TNC: variants seen among roughly 807,000 people sequenced by gnomAD.
The protein encoded by TNC is tenascin C, also known as tenascin.
In TNC, 109 loss-of-function variants were observed where a neutral mutation model predicts 202.4. That is an observed-to-expected ratio of 0.54 (90% CI 0.46 to 0.63). TNC has a LOEUF of 0.63. Among genes scored for constraint, TNC ranks in the 30% least tolerant of loss-of-function variants. The pLI, the probability that TNC is intolerant of heterozygous loss-of-function variation, is 0.00. For missense variants in TNC, 2,756 were observed against 2,833.3 expected, an observed-to-expected ratio of 0.97 and a Z score of 0.62; for synonymous variants, 1,007 against 1,089.7, an observed-to-expected ratio of 0.92 and a Z score of 1.50.
intron 1 of TNC, among the ~76,000 whole-genome samples, chr9:115,115,487 T>C (rs1207637520): frequency 6.6e-6 from 1 of 152,190 alleles, no homozygotes; most frequent in Non-Finnish European, 1.5e-5. Flanking sequence ...GTCCAACAAA[T>C]ATAGTCCATA....
At chr9:115,078,985 C>CT (rs1329851329) in intron 6 of TNC, among the ~76,000 whole-genome samples, 3 of 152,162 alleles carry the variant, frequency 2.0e-5, no homozygotes, top group South Asian at 2.1e-4. Context: ...AATGAGAAGC[C>CT]TTTTTTTAAC....
intron 19 of TNC, 65 bp downstream of exon 19, chr9:115,040,876 A>T (rs755378268): frequency 1.6e-5 from 25 of 1,526,302 alleles, no homozygotes; most frequent in Admixed American, 5.9e-5. Flanking sequence ...GAAATGGCAT[A>T]GGATGCACAA....
In TNC at chr9:115,091,035, G is replaced by C. The variant is rs1409716514; in HGVS notation, c.-17C>G. On this transcript the variant is annotated 5_prime_UTR_variant, in exon 2 of 28. Transcript: ENST00000350763. Reference sequence around the variant, plus strand: ...GGCCCCCATGGTGGAGGTGGGTTTGGCTGGGTGCTGCTGGGGCTCTAGGGC... The same window carrying C: ...GGCCCCCATGGTGGAGGTGGGTTTGCCTGGGTGCTGCTGGGGCTCTAGGGC... The C allele has an allele frequency of 1.9e-6, 3 of 1,597,824 alleles. No homozygotes were observed. The highest frequency in any genetic ancestry group is 1.7e-5 in the Admixed American group (1 of 59,736).
At position 115,084,193 on chromosome 9, in the gene TNC, A is replaced by T; in HGVS notation, c.2131+16T>A. On this transcript the variant is annotated intron_variant, in intron 4 of 27. Coordinates refer to ENST00000350763, the MANE Select transcript of TNC (RefSeq NM_002160.4). ...GACATCAGGTGAGGCTGCCCAAAAGAGTTCTGCTCACTCACACGTGGCCAC... is the reference window on the plus strand; with the variant it reads ...GACATCAGGTGAGGCTGCCCAAAAGTGTTCTGCTCACTCACACGTGGCCAC... 1 of 1,610,944 alleles carries T rather than the reference A, an allele frequency of 6.2e-7. No homozygotes were observed. Among genetic ancestry groups the T allele is most frequent in the Non-Finnish European group, 8.5e-7 (1 of 1,178,210 alleles).
intron 21 of TNC, 82 bp downstream of exon 21, chr9:115,036,016 T>C (rs961522977): frequency 6.5e-7 from 1 of 1,536,716 alleles, no homozygotes; most frequent in African/African-American, 1.4e-5. Context: ...AAAGAAGAAC[T>C]GGCTAGCGGT....
chr9:115,113,308 C>T (rs1837220959), intron 1 of TNC, among the ~76,000 whole-genome samples: 2 of 152,162 alleles, frequency 1.3e-5, no homozygotes, highest in South Asian at 4.1e-4. Context: ...TGATTTTTAA[C>T]TCCACCAAGT....
chr9:115,040,819 C>T (rs1223079316), intron 19 of TNC, 122 bp downstream of exon 19: 2 of 1,286,934 alleles, frequency 1.6e-6, no homozygotes, highest in African/African-American at 3.0e-5. Context: ...AATAAAACCC[C>T]CCTTTTTTTC....
intron 20 of TNC, among the ~76,000 whole-genome samples, chr9:115,037,788 A>G (rs2001357): frequency 0.17 from 25,481 of 152,240 alleles, 2,444 homozygotes; most frequent in African/African-American, 0.25. Flanking sequence ...CTGGCCTCCC[A>G]AAGTGCTGGA....
chr9:115,067,993 A>C (rs1833083213), intron 10 of TNC, among the ~76,000 whole-genome samples: 1 of 152,190 alleles, frequency 6.6e-6, no homozygotes, highest in African/African-American at 2.4e-5. Context: ...AACTTCCACA[A>C]ATAAAATCAG....
intron 7 of TNC, among the ~76,000 whole-genome samples, chr9:115,077,568 T>C (rs1275103344): frequency 6.6e-6 from 1 of 152,278 alleles, no homozygotes. Context: ...ATTGACACTT[T>C]TGAACTTTTA....
intron 17 of TNC, among the ~76,000 whole-genome samples, chr9:115,043,295 A>G (rs1238363580): frequency 6.6e-6 from 1 of 151,350 alleles, no homozygotes; most frequent in Non-Finnish European, 1.5e-5. Flanking sequence ...CTCTTTCTGC[A>G]TTTTTCTCTC....
chr9:115,028,837 T>A (rs1037584970), intron 25 of TNC, among the ~76,000 whole-genome samples: 1 of 150,328 alleles, frequency 6.7e-6, no homozygotes, highest in Non-Finnish European at 1.5e-5. Context: ...CTTTTTTTTA[T>A]CTTGCAACAT....
chr9:115,053,627 C>T (rs1478844661), intron 15 of TNC, among the ~76,000 whole-genome samples: 1 of 152,166 alleles, frequency 6.6e-6, no homozygotes, highest in Admixed American at 6.5e-5. Flanking sequence ...TTCCATTGAA[C>T]ATGTTTTAGA....
chr9:115,030,896 C>T (rs1026594570), intron 23 of TNC, among the ~76,000 whole-genome samples: 1 of 152,204 alleles, frequency 6.6e-6, no homozygotes, highest in Non-Finnish European at 1.5e-5. Context: ...GCAGAAGATA[C>T]TTTGTGACAG....
intron 18 of TNC, 72 bp from the exon 19 acceptor site, chr9:115,041,156 G>A: frequency 6.7e-7 from 1 of 1,482,176 alleles, no homozygotes; most frequent in South Asian, 1.3e-5. Flanking sequence ...CCCCCAAAAA[G>A]AGTGTATCTG....
At chr9:115,045,640 C>G (rs1210685097) in intron 17 of TNC, among the ~76,000 whole-genome samples, 2 of 150,292 alleles carry the variant, frequency 1.3e-5, no homozygotes, top group Non-Finnish European at 2.9e-5. Flanking sequence ...TCTCAGCCTC[C>G]TGAAATGCTG....
chr9:115,107,595 T>C (rs777409207), intron 1 of TNC, among the ~76,000 whole-genome samples: 5 of 152,212 alleles, frequency 3.3e-5, no homozygotes, highest in Admixed American at 3.3e-4. Context: ...ATTATGCTTA[T>C]TTGAAAATTA....
intron 1 of TNC, among the ~76,000 whole-genome samples, chr9:115,094,535 C>T (rs1835469326): frequency 6.6e-6 from 1 of 152,164 alleles, no homozygotes; most frequent in Non-Finnish European, 1.5e-5. Flanking sequence ...TTAGGTCAGA[C>T]ATGAAGAATC....
At chr9:115,053,800 T>G (rs1428826622) in intron 15 of TNC, among the ~76,000 whole-genome samples, 1 of 152,216 alleles carries the variant, frequency 6.6e-6, no homozygotes, top group Non-Finnish European at 1.5e-5. Context: ...TGAAGATGGC[T>G]TCCATTCAAA....
Sources: allele counts gnomAD v4.1 joint callset (sites outside exome capture counted in the v4.1 genomes callset), GRCh38; gene constraint gnomAD v4.1.1; transcripts MANE v1.5; gene names NCBI Gene and HGNC (gene_info 2026-07-23, HGNC 2026-07-21).